Variants in PARD3B observed in about 807,000 individuals in gnomAD.
The protein encoded by PARD3B is par-3 family cell polarity regulator beta.
A neutral mutation model predicts 130.2 loss-of-function variants in PARD3B; 103 were observed. That is an observed-to-expected ratio of 0.79 (90% CI 0.67 to 0.93). The LOEUF is 0.93. Ranked by LOEUF, PARD3B falls within the 40% of genes least tolerant of loss-of-function variation. The pLI is 0.00. For synonymous variants in PARD3B, 583 were observed against 553.2 expected, an observed-to-expected ratio of 1.05 and a Z score of -0.76; for missense variants, 1,609 against 1,499.2, an observed-to-expected ratio of 1.07 and a Z score of -1.21.
intron 3 of PARD3B, among the ~76,000 whole-genome samples, chr2:204,990,504 TACCC>T (rs1482331288): frequency 3.3e-5 from 5 of 152,186 alleles, no homozygotes; most frequent in African/African-American, 4.8e-5. Context: ...TGTATGTTGA[TACCC>T]ATTAACAAAC....
chr2:205,239,737 A>G (rs1559576132), intron 15 of PARD3B, among the ~76,000 whole-genome samples: 1 of 152,284 alleles, frequency 6.6e-6, no homozygotes, highest in South Asian at 2.1e-4. Context: ...TTTTTACCCT[A>G]TGTCACCATG....
At chr2:204,963,809 G>T (rs962438645) in intron 2 of PARD3B, among the ~76,000 whole-genome samples, 3 of 152,110 alleles carry the variant, frequency 2.0e-5, no homozygotes, top group Admixed American at 1.3e-4. Flanking sequence ...TCAATTTCAA[G>T]AATTAAAAAT....
intron 2 of PARD3B, among the ~76,000 whole-genome samples, chr2:204,886,223 A>G (rs1356579528): frequency 6.6e-6 from 1 of 152,214 alleles, no homozygotes; most frequent in African/African-American, 2.4e-5. Context: ...CGAATGGGAT[A>G]TGAGGAGGCA....
intron 2 of PARD3B, among the ~76,000 whole-genome samples, chr2:204,699,513 C>G (rs980227150): frequency 2.1e-4 from 32 of 151,848 alleles, no homozygotes; most frequent in Non-Finnish European, 7.4e-5. Flanking sequence ...GGAGGTTAAG[C>G]GAGTGAGATT....
rs542268837 is a variant in PARD3B at position 205,069,732 on chromosome 2, G to A, written c.504+22042G>A. ...CCCTTCACCCTAAGTAGAAGAAGCC[G>A]CACTTGAACTCAGCTTCAAGGGACC... On this transcript the variant is annotated intron_variant, in intron 4 of 22. Transcript: ENST00000406610. Among the ~76,000 whole-genome samples the A allele has an allele frequency of 8.6e-5, 13 of 152,020 alleles. No individual in the cohort carries two copies. The South Asian group carries it at 1.2e-3, about 15-fold the overall frequency.
At chr2:205,038,446 C>T (rs1238808972) in intron 3 of PARD3B, among the ~76,000 whole-genome samples, 2 of 152,066 alleles carry the variant, frequency 1.3e-5, no homozygotes, top group African/African-American at 4.8e-5. Context: ...ATTAACTAAC[C>T]TTAAGTAGCA....
intron 21 of PARD3B, among the ~76,000 whole-genome samples, chr2:205,548,378 C>CCCA (rs1283541032): frequency 1.3e-5 from 2 of 152,112 alleles, no homozygotes; most frequent in Non-Finnish European, 2.9e-5. Context: ...TCTAGATATT[C>CCCA]CCTCCTCCCA....
At chr2:205,596,317 G>A (rs1312732940) in intron 22 of PARD3B, among the ~76,000 whole-genome samples, 2 of 152,160 alleles carry the variant, frequency 1.3e-5, no homozygotes, top group Non-Finnish European at 2.9e-5. Flanking sequence ...AGTAACCTTT[G>A]TGCTATAAAT....
At chr2:204,949,830 T>C (rs1391320386) in intron 2 of PARD3B, among the ~76,000 whole-genome samples, 2 of 151,850 alleles carry the variant, frequency 1.3e-5, no homozygotes, top group African/African-American at 2.4e-5. Context: ...CCTATTGGCC[T>C]GGGCTGGGAG....
chr2:204,715,490 T>C (rs573750223), intron 2 of PARD3B, among the ~76,000 whole-genome samples: 4 of 152,120 alleles, frequency 2.6e-5, no homozygotes, highest in African/African-American at 9.6e-5. Context: ...TTTTCTTTTT[T>C]TTTTTTTTTC....
At chr2:205,247,826 ACGGTT>A (rs2039634858) in intron 16 of PARD3B, among the ~76,000 whole-genome samples, 1 of 152,214 alleles carries the variant, frequency 6.6e-6, no homozygotes, top group Admixed American at 6.5e-5. Flanking sequence ...AACACTAGAA[ACGGTT>A]CTGAGAAAGC....
chr2:205,099,082 C>T (rs925178850), intron 4 of PARD3B, among the ~76,000 whole-genome samples: 1 of 152,132 alleles, frequency 6.6e-6, no homozygotes, highest in African/African-American at 2.4e-5. Context: ...AGGACACAAT[C>T]TCCTGCTGAA....
chr2:205,532,972 T>C (rs2051669666), intron 21 of PARD3B, among the ~76,000 whole-genome samples: 1 of 152,156 alleles, frequency 6.6e-6, no homozygotes, highest in African/African-American at 2.4e-5. Context: ...TAGCAATCAG[T>C]GTGTGTGTTC....
rs6435247 is a variant in PARD3B at position 204,696,688 on chromosome 2, A to G, written c.222+10406A>G. ...TTTGAAAGTCCTATAAGTATTTAAT[A>G]TCACATTTAGAAAGAAAGTGTGTTT... On this transcript the variant is annotated intron_variant, in intron 2 of 22. Transcript: ENST00000406610. 9.8e-4 allele frequency among the ~76,000 whole-genome samples: 149 copies of G among 152,226 alleles called. 1 individual carries two copies. Among genetic ancestry groups the G allele is most frequent in the African/African-American group, 3.5e-3 (147 of 41,558 alleles).
chr2:205,020,468 A>G (rs1181186337), intron 3 of PARD3B, among the ~76,000 whole-genome samples: 2 of 152,240 alleles, frequency 1.3e-5, no homozygotes, highest in African/African-American at 2.4e-5. Context: ...TAAGAGGGTT[A>G]TTCTTCTGTT....
chr2:205,489,695 C>T (rs921426447), intron 20 of PARD3B, among the ~76,000 whole-genome samples: 1 of 151,768 alleles, frequency 6.6e-6, no homozygotes, highest in Admixed American at 6.6e-5. Flanking sequence ...TGAACACAGT[C>T]AGGAGGTCAT....
At chr2:204,724,055 T>A (rs2039114049) in intron 2 of PARD3B, among the ~76,000 whole-genome samples, 1 of 152,182 alleles carries the variant, frequency 6.6e-6, no homozygotes, top group African/African-American at 2.4e-5. Flanking sequence ...GCTAGTCTCA[T>A]TATATTCTAT....
At chr2:205,511,122 G>A (rs1304087196) in intron 21 of PARD3B, among the ~76,000 whole-genome samples, 5 of 99,870 alleles carry the variant, frequency 5.0e-5, no homozygotes, top group African/African-American at 6.6e-5. Context: ...TATCTTTGTT[G>A]AACTACTCTT....
intron 16 of PARD3B, among the ~76,000 whole-genome samples, chr2:205,254,840 A>G (rs937144114): frequency 6.6e-6 from 1 of 150,574 alleles, no homozygotes; most frequent in Admixed American, 6.6e-5. Flanking sequence ...AATTTTTTGT[A>G]TTTTTAGTAG....
Sources: gnomAD v4.1 joint callset for allele counts (sites outside exome capture counted in the v4.1 genomes callset) on GRCh38, gnomAD v4.1.1 for gene constraint, MANE v1.5 for transcripts, NCBI Gene and HGNC (gene_info 2026-07-23, HGNC 2026-07-21) for gene names.